The following FAM200B variants were observed in gnomAD, a reference collection of about 807,000 sequenced individuals.
The protein encoded by FAM200B is protein FAM200B.
FAM200B carries 32 observed loss-of-function variants against 33.1 expected under a neutral mutation model. The ratio of observed to expected loss-of-function variants is 0.97; its 90% CI spans 0.73 to 1.30. The LOEUF is 1.30. Ranked by LOEUF, FAM200B falls within the 50% of genes most tolerant of loss-of-function variation. The pLI is 0.00. For synonymous variants in FAM200B, 240 were observed against 264.8 expected (o/e 0.91, Z 0.91); for missense variants, 741 against 754.0 (o/e 0.98, Z 0.20).
chr4:15,685,031 A>G (rs886694449), intron 1 of FAM200B: 2 of 152,226 alleles, frequency 1.3e-5, no homozygotes, highest in African/African-American at 4.8e-5. Flanking sequence ...TTGATTTCCT[A>G]GAAGAAGTCA....
chr4:15,647,222 C>CAAAAAAAAA, the FAM200B span, among the ~76,000 whole-genome samples: 18 of 36,504 alleles, frequency 4.9e-4, no homozygotes, highest in East Asian at 1.9e-3. Flanking sequence ...GACTCCATCT[C>CAAAAAAAAA]AAAAAAAAAA....
At chr4:15,658,194 C>A in the FAM200B span, among the ~76,000 whole-genome samples, 12 of 152,324 alleles carry the variant, frequency 7.9e-5, no homozygotes, top group East Asian at 2.3e-3. Context: ...ACAGCACTTT[C>A]CCTAATAGGG....
chr4:15,644,870 G>A, the FAM200B span, among the ~76,000 whole-genome samples: 272 of 152,314 alleles, frequency 1.8e-3, no homozygotes, highest in Non-Finnish European at 2.8e-3. Context: ...AGTTATAATG[G>A]TATAATAAAA....
chr4:15,654,856 G>T, the FAM200B span, among the ~76,000 whole-genome samples: 1 of 152,178 alleles, frequency 6.6e-6, no homozygotes, highest in African/African-American at 2.4e-5. Flanking sequence ...GAGGAGGTAG[G>T]GCCGCTCTCC....
At chr4:15,671,660 T>A in the FAM200B span, among the ~76,000 whole-genome samples, 1 of 152,202 alleles carries the variant, frequency 6.6e-6, no homozygotes, top group Non-Finnish European at 1.5e-5. Context: ...TTTTAAGCTA[T>A]CATTTCTTCA....
the FAM200B span, among the ~76,000 whole-genome samples, chr4:15,658,795 G>A: frequency 2.0e-5 from 3 of 152,136 alleles, no homozygotes; most frequent in South Asian, 2.1e-4. Context: ...CTACTTTCTC[G>A]ATAGCCACAG....
chr4:15,672,232 C>T, the FAM200B span, among the ~76,000 whole-genome samples: 1 of 152,208 alleles, frequency 6.6e-6, no homozygotes, highest in African/African-American at 2.4e-5. Context: ...ATTCTATGCA[C>T]TCTACCCAAT....
chr4:15,687,122 T>C lies in FAM200B; in HGVS notation c.145T>C (p.Phe49Leu). 6.5e-7 allele frequency: 1 copy of C among 1,548,524 alleles called. No homozygotes were observed. Among genetic ancestry groups the C allele is most frequent in the Non-Finnish European group, 8.7e-7 (1 of 1,145,728 alleles). Reference sequence around the variant, plus strand: ...CTCCAATCTGCAAACTTCAACTTCATTTGAGCCACATTTCAAAAAGAAAAA... The same window carrying C: ...CTCCAATCTGCAAACTTCAACTTCACTTGAGCCACATTTCAAAAAGAAAAA... ...TDSNLQTSTS[F>L]EPHFKKKKVS... is the part of the protein sequence containing the mutation. The change falls in exon 2 of 2, where the codon TTT (phenylalanine) becomes CTT (leucine). Residue 49 changes from phenylalanine (F) to leucine (L), a missense_variant. Transcript: ENST00000422728.
At chr4:15,671,719 T>A in the FAM200B span, among the ~76,000 whole-genome samples, 1 of 152,216 alleles carries the variant, frequency 6.6e-6, no homozygotes, top group Non-Finnish European at 1.5e-5. Flanking sequence ...ACTAGGGTGC[T>A]TAAACTTATG....
chr4:15,648,896 G>C, the FAM200B span, among the ~76,000 whole-genome samples: 3 of 152,122 alleles, frequency 2.0e-5, no homozygotes, highest in Non-Finnish European at 4.4e-5. Flanking sequence ...ATCGTTTGTG[G>C]TGATGGATGT....
chr4:15,638,755 C>A, the FAM200B span: 5 of 1,074,280 alleles, frequency 4.7e-6, no homozygotes, highest in Non-Finnish European at 6.7e-6. Context: ...TACTCTAAAC[C>A]CTTTTAAATT....
chr4:15,641,412 GA>G, the FAM200B span: 1 of 350,234 alleles, frequency 2.9e-6, no homozygotes, highest in East Asian at 7.7e-5. Context: ...TACTCAATGT[GA>G]AGACAATGAG....
chr4:15,645,751 T>C, the FAM200B span, among the ~76,000 whole-genome samples: 3 of 152,198 alleles, frequency 2.0e-5, no homozygotes, highest in African/African-American at 7.2e-5. Flanking sequence ...AATGTGTTAA[T>C]CTTGATGTTA....
Position 15,687,780 on chromosome 4 carries a change from G to A in FAM200B, c.803G>A (p.Ser268Asn). 2 of 1,550,716 alleles carry A rather than the reference G, an allele frequency of 1.3e-6. No homozygotes were observed. The highest frequency in any genetic ancestry group is 1.7e-4 in the Middle Eastern group (1 of 5,980). The part of the protein sequence containing the change: ...LCFLNLTSHL[S>N]GLDIFTELER... ...TTTTTAAATTTAACCTCACACCTAAGTGGATTAGATATTTTTACAGAATTA... is the reference window on the plus strand; with the variant it reads ...TTTTTAAATTTAACCTCACACCTAAATGGATTAGATATTTTTACAGAATTA... Residue 268 changes from serine (S) to asparagine (N), a missense_variant, in exon 2 of 2, where the codon AGT becomes AAT. Transcript: ENST00000422728.
At chr4:15,649,331 G>T in the FAM200B span, among the ~76,000 whole-genome samples, 1 of 152,106 alleles carries the variant, frequency 6.6e-6, no homozygotes, top group Non-Finnish European at 1.5e-5. Flanking sequence ...TGTAATCCCA[G>T]CACTTTGGGA....
At chr4:15,662,994 A>G in the FAM200B span, among the ~76,000 whole-genome samples, 1 of 152,228 alleles carries the variant, frequency 6.6e-6, no homozygotes, top group Non-Finnish European at 1.5e-5. Flanking sequence ...CAATGAGTAA[A>G]TAAGAAATGG....
At chr4:15,680,894 A>T (rs1406011081), upstream of FAM200B, among the ~76,000 whole-genome samples, 4 of 149,346 alleles carry the variant, frequency 2.7e-5, no homozygotes, top group Non-Finnish European at 5.9e-5. Flanking sequence ...ACCCAAAAAA[A>T]TAAAGCAGTA....
In FAM200B at chr4:15,688,201, T is replaced by C; in HGVS notation, c.1224T>C (p.Phe408=). ...AGCTCAGGAATGAGATTCACTTTTTTCTCATTGAAAAAAAATCTCATTTGG... is the reference window on the plus strand; with the variant it reads ...AGCTCAGGAATGAGATTCACTTTTTCCTCATTGAAAAAAAATCTCATTTGG... ...VYELRNEIHF[F]LIEKKSHLAS... is the part of the protein sequence containing the mutation. The change falls in exon 2 of 2, where the codon TTT becomes TTC. Residue 408 remains phenylalanine, a synonymous_variant. Coordinates refer to ENST00000422728, the MANE Select transcript of FAM200B (RefSeq NM_001145191.2). 6.4e-7 allele frequency: 1 copy of C among 1,551,100 alleles called. No homozygotes were observed. Among genetic ancestry groups the C allele is most frequent in the Non-Finnish European group, 8.7e-7 (1 of 1,146,694 alleles).
chr4:15,662,710 A>G, the FAM200B span, among the ~76,000 whole-genome samples: 5 of 152,200 alleles, frequency 3.3e-5, no homozygotes, highest in East Asian at 9.6e-4. Context: ...AATTGAATCA[A>G]TCCATTCAAT....
Sources: allele counts gnomAD v4.1 joint callset (sites outside exome capture counted in the v4.1 genomes callset), GRCh38; gene constraint gnomAD v4.1.1; transcripts MANE v1.5; gene names NCBI Gene and HGNC (gene_info 2026-07-23, HGNC 2026-07-21).